F2RL1: variants seen among roughly 807,000 people sequenced by gnomAD.
F2RL1 encodes proteinase-activated receptor 2.
F2RL1 carries 16 observed loss-of-function variants against 21.7 expected under a neutral mutation model. The ratio of observed to expected loss-of-function variants is 0.74; its 90% CI spans 0.50 to 1.12. The LOEUF (loss-of-function observed/expected upper bound fraction) is 1.12. Among genes scored for constraint, F2RL1 ranks in the 50% most tolerant of loss-of-function variants. The pLI is 0.00. For missense variants in F2RL1, 432 were observed against 477.8 expected, an observed-to-expected ratio of 0.90 and a Z score of 0.89; for synonymous variants, 181 against 186.7, an observed-to-expected ratio of 0.97 and a Z score of 0.25.
In F2RL1 at chr5:76,833,323, T is replaced by A. The variant is rs761479365; in HGVS notation, c.716T>A (p.Met239Lys). ...CCTGAGCAGCTCTTGGTGGGAGACA[T>A]GTTCAATTACTTCCTCTCTCTGGCC... Reference protein sequence around the residue: ...VLPEQLLVGDMFNYFLSLAIG... With the variant: ...VLPEQLLVGDKFNYFLSLAIG... Residue 239 changes from methionine to lysine, a missense_variant, in exon 2 of 2, where the codon ATG becomes AAG. By Grantham distance (95) the Met-to-Lys change is moderately conservative. Coordinates refer to ENST00000296677, the MANE Select transcript of F2RL1 (RefSeq NM_005242.6). The A allele has an allele frequency of 5.0e-6, 8 of 1,613,992 alleles. No individual in the cohort carries two copies. The highest frequency in any genetic ancestry group is 6.8e-6 in the Non-Finnish European group (8 of 1,180,012).
chr5:76,831,222 C>T (rs1409939721), intron 1 of F2RL1, among the ~76,000 whole-genome samples: 6 of 152,104 alleles, frequency 3.9e-5, no homozygotes, highest in African/African-American at 9.7e-5. Flanking sequence ...CCAGGCCAGA[C>T]GGTTTCCCTG....
chr5:76,819,281 A>G lies in F2RL1; in HGVS notation c.82+17A>G. The G allele has an allele frequency of 6.3e-7, 1 of 1,580,466 alleles. No individual in the cohort carries two copies. Among genetic ancestry groups the G allele is most frequent in the Non-Finnish European group, 8.5e-7 (1 of 1,171,926 alleles). On this transcript the variant is annotated intron_variant, in intron 1 of 1. Transcript: ENST00000296677. Reference sequence around the variant, plus strand: ...CCATCCAAGGTGAGAAACCTGGCCAAGGAGGGCTCTTATCTCTGAGGAGCT... The same window carrying G: ...CCATCCAAGGTGAGAAACCTGGCCAGGGAGGGCTCTTATCTCTGAGGAGCT...
chr5:76,834,965 A>G lies in F2RL1; in HGVS notation c.*1164A>G, dbSNP rs937209932. The G allele has an allele frequency of 6.6e-6, 1 of 152,372 alleles. No homozygotes were observed. The highest frequency in any genetic ancestry group is 2.4e-5 in the African/African-American group (1 of 41,468). 9.4% of individuals were successfully genotyped at this position (152,372 alleles called of 1,614,324 possible). ...ATTATTAAAGAAAAATGCAATCAGG[A>G]TTTTAAACATGTAAATACAAATTTT... On this transcript the variant is annotated 3_prime_UTR_variant, in exon 2 of 2. Transcript: ENST00000296677.
Position 76,832,977 on chromosome 5 carries a change from T to C in F2RL1, c.370T>C (p.Ser124Pro), listed in dbSNP as rs1750378528. 1 of 1,614,258 alleles carries C rather than the reference T, an allele frequency of 6.2e-7. No individual in the cohort carries two copies. The change falls in exon 2 of 2, where the codon TCT becomes CCT. Residue 124 changes from serine to proline, a missense_variant. Transcript: ENST00000296677. ...MANLALADLL[S>P]VIWFPLKIAY... ...CAATCTGGCCTTGGCTGACCTCCTCTCTGTCATCTGGTTCCCCTTGAAGAT... is the reference window on the plus strand; with the variant it reads ...CAATCTGGCCTTGGCTGACCTCCTCCCTGTCATCTGGTTCCCCTTGAAGAT...
At chr5:76,824,668 G>T (rs1245467172) in intron 1 of F2RL1, among the ~76,000 whole-genome samples, 1 of 152,112 alleles carries the variant, frequency 6.6e-6, no homozygotes, top group African/African-American at 2.4e-5. Flanking sequence ...AATTAACATT[G>T]TTTTACCATG....
Position 76,820,200 on chromosome 5 carries a change from A to G in F2RL1, c.82+936A>G, listed in dbSNP as rs537049187. ...GTGTGCTCGAACTTGTATTGCTGGG[A>G]GTGTGTTCTTCCGGGCCCAGCAGGC... On this transcript the variant is annotated intron_variant, in intron 1 of 1. Coordinates refer to ENST00000296677, the MANE Select transcript of F2RL1 (RefSeq NM_005242.6). 4.2e-4 allele frequency among the ~76,000 whole-genome samples: 64 copies of G among 152,008 alleles called. 1 individual carries two copies. Among genetic ancestry groups the G allele is most frequent in the South Asian group, 8.3e-4 (4 of 4,814 alleles).
intron 1 of F2RL1, among the ~76,000 whole-genome samples, chr5:76,824,343 C>G (rs561839067): frequency 2.0e-5 from 3 of 150,406 alleles, no homozygotes; most frequent in African/African-American, 7.3e-5. Context: ...CGCCCATCCC[C>G]GAACCCCAGA....
chr5:76,822,238 G>C (rs921132110), intron 1 of F2RL1, among the ~76,000 whole-genome samples: 4 of 151,540 alleles, frequency 2.6e-5, no homozygotes, highest in Admixed American at 1.3e-4. Context: ...TTCCCCCTGA[G>C]ATAGAATCTC....
At chr5:76,828,694 A>G (rs371296277) in intron 1 of F2RL1, among the ~76,000 whole-genome samples, 2 of 151,234 alleles carry the variant, frequency 1.3e-5, no homozygotes, top group East Asian at 2.0e-4. Flanking sequence ...CGGTCTTGCT[A>G]TGTTGGCCAG....
At position 76,819,196 on chromosome 5, in the gene F2RL1, G is replaced by C. The variant is rs755742282; in HGVS notation, c.14G>C (p.Ser5Thr). MRSP[S>T]AAWLLGAAIL... ...GCTTCCAGGAGGATGCGGAGCCCCA[G>C]CGCGGCGTGGCTGCTGGGGGCCGCC... The change falls in exon 1 of 2, where the codon AGC becomes ACC. Residue 5 changes from serine (S) to threonine (T), a missense_variant. Transcript: ENST00000296677. 5.9e-5 allele frequency: 94 copies of C among 1,586,476 alleles called. No individual in the cohort carries two copies. Among genetic ancestry groups the C allele is most frequent in the Non-Finnish European group, 7.7e-5 (90 of 1,175,398 alleles).
chr5:76,819,542 G>T (rs1444276147), intron 1 of F2RL1, among the ~76,000 whole-genome samples: 1 of 152,176 alleles, frequency 6.6e-6, no homozygotes, highest in South Asian at 2.1e-4. Flanking sequence ...GTCATGCTGG[G>T]CACCTCCAGG....
rs529624505 is a variant in F2RL1 at position 76,826,271 on chromosome 5, G to A, written c.83-6419G>A. On this transcript the variant is annotated intron_variant, in intron 1 of 1. Coordinates refer to ENST00000296677, the MANE Select transcript of F2RL1 (RefSeq NM_005242.6). ...TGTACAATTTAGTGGCTTTTAGGAT[G>A]TTCATAGAATTATTCAACCATTACC... is the stretch of plus-strand genomic sequence containing the variant. 2.9e-4 allele frequency among the ~76,000 whole-genome samples: 44 copies of A among 151,914 alleles called. 1 individual carries two copies. In the South Asian group the frequency reaches 4.4e-3, roughly 15 times the overall value.
intron 1 of F2RL1, among the ~76,000 whole-genome samples, chr5:76,829,451 AT>A (rs1385437967): frequency 1.3e-5 from 2 of 151,936 alleles, no homozygotes; most frequent in African/African-American, 4.8e-5. Flanking sequence ...CAGGTCCTTT[AT>A]CCTGTAGCAG....
chr5:76,830,860 G>A (rs2243055), intron 1 of F2RL1, among the ~76,000 whole-genome samples: 1,832 of 152,104 alleles, frequency 0.012, 48 homozygotes, highest in African/African-American at 0.042. Context: ...AAAATTCTGC[G>A]GAACATTAGT....
At chr5:76,824,807 G>A (rs1393139024) in intron 1 of F2RL1, among the ~76,000 whole-genome samples, 1 of 152,004 alleles carries the variant, frequency 6.6e-6, no homozygotes, top group Non-Finnish European at 1.5e-5. Context: ...ATTTTGATAT[G>A]TTTTGCCAAA....
chr5:76,819,401 C>A (rs1325996069), intron 1 of F2RL1, 137 bp downstream of exon 1: 2 of 733,252 alleles, frequency 2.7e-6, no homozygotes, highest in Admixed American at 3.2e-5. Flanking sequence ...CCCTTAGCCT[C>A]CCCTTGGTGG....
intron 1 of F2RL1, among the ~76,000 whole-genome samples, chr5:76,821,266 G>A (rs901331024): frequency 6.6e-6 from 1 of 152,170 alleles, no homozygotes; most frequent in African/African-American, 2.4e-5. Flanking sequence ...AATTATTTGG[G>A]TAAACATGCT....
Position 76,833,867 on chromosome 5 carries a change from G to T in F2RL1, c.*66G>T. On this transcript the variant is annotated 3_prime_UTR_variant, in exon 2 of 2. Transcript: ENST00000296677. Reference sequence around the variant, plus strand: ...GGAACCTGTTTAATGTTATGAGGACGTGTCTGTTATTTCCTAATCAAAAAG... The same window carrying T: ...GGAACCTGTTTAATGTTATGAGGACTTGTCTGTTATTTCCTAATCAAAAAG... 6.6e-7 allele frequency: 1 copy of T among 1,513,000 alleles called. No individual in the cohort carries two copies. The highest frequency in any genetic ancestry group is 9.0e-7 in the Non-Finnish European group (1 of 1,116,070). The allele number at this position is 1,513,000 out of a possible 1,614,324, so 93.7% of individuals were successfully genotyped here. A position where few individuals can be genotyped will look rare whatever the true frequency, so the allele number is the denominator to read the frequency against.
chr5:76,823,641 A>C (rs1246773057), intron 1 of F2RL1, among the ~76,000 whole-genome samples: 22 of 151,964 alleles, frequency 1.4e-4, no homozygotes, highest in Admixed American at 1.4e-3. Context: ...GGCCTCCCAA[A>C]GTGCTGGGAT....
Sources: allele counts gnomAD v4.1 joint callset (sites outside exome capture counted in the v4.1 genomes callset), GRCh38; gene constraint gnomAD v4.1.1; transcripts MANE v1.5; gene names NCBI Gene and HGNC (gene_info 2026-07-23, HGNC 2026-07-21).